Variants in KIAA1210 observed in about 807,000 individuals in gnomAD.
KIAA1210 encodes acrosomal protein KIAA1210.
A neutral mutation model predicts 78.9 loss-of-function variants in KIAA1210; 48 were observed. That is an observed-to-expected ratio of 0.61 (90% CI 0.48 to 0.77). KIAA1210 has a LOEUF of 0.77. Among genes scored for constraint, KIAA1210 ranks in the 30% least tolerant of loss-of-function variants. KIAA1210 has a pLI of 0.00. For synonymous variants in KIAA1210, 406 were observed against 404.5 expected (o/e 1.00, Z -0.04); for missense variants, 1,108 against 1,100.0 (o/e 1.01, Z -0.10).
exon 1 of KIAA1210, chrX:119,150,379 G>T (rs778471067): frequency 1.7e-6 from 2 of 1,210,544 alleles, no homozygotes; most frequent in Non-Finnish European, 2.2e-6. Flanking sequence ...CTGCAGCTGG[G>T]CCAAGCTCCC....
intron 6 of KIAA1210, among the ~76,000 whole-genome samples, chrX:119,102,408 C>A (rs994000338): frequency 3.6e-5 from 4 of 111,191 alleles, no homozygotes; most frequent in African/African-American, 1.3e-4. Context: ...CACTACATTG[C>A]CCAGGTGGAA....
rs181469027 is a variant in KIAA1210, at chrX:119,146,333, C to A, written c.410+1140G>T. On this transcript the variant is annotated intron_variant, in intron 2 of 13. Transcript: ENST00000402510. The stretch of plus-strand genomic sequence containing the variant: ...GTCAATCAAGAAAATACATAAATTT[C>A]TTTAAAGAAACAAATTTAAGCATTC... 9.8e-5 allele frequency among the ~76,000 whole-genome samples: 11 copies of A among 111,906 alleles called. No homozygotes were observed. In the East Asian group the frequency reaches 2.5e-3, roughly 26 times the overall value.
rs370134129 is a variant in KIAA1210, at chrX:119,094,282, G to A, written c.847-507C>T. 4.4e-4 allele frequency among the ~76,000 whole-genome samples: 49 copies of A among 112,201 alleles called. 1 individual carries two copies. Among genetic ancestry groups the A allele is most frequent in the African/African-American group, 1.5e-3 (46 of 30,870 alleles). ...AGAAAAAGAATTGGGGTTTTGTTGG[G>A]AGGGAAAGGAGAAAAAGCTGAAAGG... On this transcript the variant is annotated intron_variant, in intron 7 of 11. Transcript: ENST00000691062.
At chrX:119,092,359 A>T (rs1354309033) in intron 8 of KIAA1210, among the ~76,000 whole-genome samples, 1 of 112,244 alleles carries the variant, frequency 8.9e-6, no homozygotes, top group African/African-American at 3.2e-5. Context: ...ATAATAGCTG[A>T]CTATGCTCCA....
chrX:119,088,175 G>T lies in KIAA1210; in HGVS notation c.2527C>A (p.Pro843Thr). The T allele has an allele frequency of 2.5e-6, 3 of 1,211,308 alleles. No homozygotes were observed. Among genetic ancestry groups the T allele is most frequent in the Non-Finnish European group, 3.4e-6 (3 of 895,141 alleles). Residue 843 changes from proline to threonine, a missense_variant, in exon 9 of 12, where the codon CCC (proline) becomes ACC (threonine). Physicochemically the swap from Pro to Thr is conservative, Grantham distance 38. Coordinates refer to ENST00000691062, the MANE Select transcript of KIAA1210 (RefSeq NM_001394962.1). Reference sequence around the variant, plus strand: ...GTCAAGGACTGAGGAGAATATCTGGGGAGTAGTGGCTCCACAGAAATGACT... The same window carrying T: ...GTCAAGGACTGAGGAGAATATCTGGTGAGTAGTGGCTCCACAGAAATGACT... Reference protein sequence around the residue: ...ERVISVEPLLPRYSPQSLTDP... With the variant: ...ERVISVEPLLTRYSPQSLTDP...
At position 119,140,485 on chromosome X, in the gene KIAA1210, C is replaced by T. The variant is rs190113966; in HGVS notation, c.410+6988G>A. On this transcript the variant is annotated intron_variant, in intron 2 of 13. Transcript: ENST00000402510. The stretch of plus-strand genomic sequence containing the variant: ...TAGAGATTGCAGTGAGCTGAGATTG[C>T]GCCACTGCACTCCAGCCTGAGCGAC... Among the ~76,000 whole-genome samples, 232 of 99,109 alleles carry T rather than the reference C, an allele frequency of 2.3e-3. 1 individual carries two copies. The highest frequency in any genetic ancestry group is 7.9e-3 in the African/African-American group (211 of 26,703). 86.1% of individuals were successfully genotyped at this position (99,109 alleles called of 115,157 possible).
At chrX:119,110,260 C>T (rs1181122089) in intron 3 of KIAA1210, among the ~76,000 whole-genome samples, 3 of 112,100 alleles carry the variant, frequency 2.7e-5, no homozygotes, top group African/African-American at 9.7e-5. Context: ...AAAACAAAAA[C>T]TATATGACCA....
intron 2 of KIAA1210, among the ~76,000 whole-genome samples, chrX:119,145,319 T>G (rs1929141225): frequency 1.8e-5 from 2 of 110,823 alleles, no homozygotes; most frequent in African/African-American, 6.6e-5. Context: ...CATCCTTGGA[T>G]GTTTAGCCGC....
intron 2 of KIAA1210, among the ~76,000 whole-genome samples, chrX:119,140,917 G>C (rs60711976): frequency 0.017 from 1,883 of 112,278 alleles, 46 homozygotes; most frequent in African/African-American, 0.058. Context: ...TTTAAAAAGG[G>C]TTTTGGAGGT....
At chrX:119,100,806 T>C (rs1458115261) in intron 6 of KIAA1210, among the ~76,000 whole-genome samples, 7 of 112,436 alleles carry the variant, frequency 6.2e-5, no homozygotes, top group Non-Finnish European at 1.3e-4. Flanking sequence ...AGCTCCCACT[T>C]ATAAAGGAGA....
At chrX:119,145,335 TG>T (rs1354747356) in intron 2 of KIAA1210, among the ~76,000 whole-genome samples, 1 of 110,864 alleles carries the variant, frequency 9.0e-6, no homozygotes, top group Non-Finnish European at 1.9e-5. Flanking sequence ...GCCGCGTCCC[TG>T]GGCCTCTAAC....
At position 119,081,483 on chromosome X, in the gene KIAA1210, A is replaced by G. The variant is rs778622418; in HGVS notation, c.4448T>C (p.Ile1483Thr). Residue 1483 changes from isoleucine (I) to threonine (T), a missense_variant, in exon 12 of 12, where the codon ATA becomes ACA. Transcript: ENST00000691062. ...TKSVGFEAQK[I>T]LQVPAMEKET... ...TTTTTCCATGGCAGGAACTTGCAGT[A>G]TCTTCTGAGCTTCAAATCCAACTGG... 4 of 1,208,898 alleles carry G rather than the reference A, an allele frequency of 3.3e-6. No individual in the cohort carries two copies. Among genetic ancestry groups the G allele is most frequent in the Non-Finnish European group, 4.5e-6 (4 of 894,417 alleles).
Position 119,082,482 on chromosome X carries a change from A to G in KIAA1210, c.4426+533T>C, listed in dbSNP as rs1194293950. On this transcript the variant is annotated intron_variant, in intron 11 of 11. Transcript: ENST00000691062. The stretch of plus-strand genomic sequence containing the variant: ...CTAGCACACAATTCTTTCTGGTGAG[A>G]TCACATTCTATTATATCCCAGCAGA... Among the ~76,000 whole-genome samples the G allele has an allele frequency of 2.7e-5, 3 of 112,377 alleles. No individual in the cohort carries two copies. In the East Asian group the frequency reaches 8.3e-4, roughly 31 times the overall value.
At chrX:119,136,320 T>C (rs1928912830) in intron 2 of KIAA1210, among the ~76,000 whole-genome samples, 1 of 112,587 alleles carries the variant, frequency 8.9e-6, no homozygotes, top group South Asian at 3.7e-4. Context: ...TGTAACTTTC[T>C]GGTTTCATCT....
chrX:119,109,249 G>A (rs1456475982), intron 3 of KIAA1210, 47 bp from the exon 4 acceptor site: 3 of 1,136,428 alleles, frequency 2.6e-6, no homozygotes, highest in South Asian at 4.0e-5. Flanking sequence ...AGGGCCATGG[G>A]AACTGAAGAC....
At chrX:119,143,892 C>A (rs1569325270) in intron 2 of KIAA1210, among the ~76,000 whole-genome samples, 1 of 112,441 alleles carries the variant, frequency 8.9e-6, no homozygotes, top group East Asian at 2.8e-4. Flanking sequence ...GGCATTCACC[C>A]ATGGCCACAT....
intron 7 of KIAA1210, 76 bp from the exon 8 acceptor site, chrX:119,093,851 A>T (rs1364717957): frequency 7.1e-6 from 7 of 985,273 alleles, no homozygotes; most frequent in Non-Finnish European, 9.9e-6. Context: ...CCAAAGAAAA[A>T]GCATCAGGAA....
chrX:119,133,198 A>G (rs1928835034), intron 2 of KIAA1210, among the ~76,000 whole-genome samples: 1 of 111,693 alleles, frequency 9.0e-6, no homozygotes, highest in African/African-American at 3.3e-5. Flanking sequence ...AGGAGGCTAT[A>G]ATCACCCCAC....
At chrX:119,085,016 G>C (rs1018521886) in intron 10 of KIAA1210, among the ~76,000 whole-genome samples, 1 of 111,388 alleles carries the variant, frequency 9.0e-6, no homozygotes, top group African/African-American at 3.3e-5. Context: ...TGAGTAGCTG[G>C]GATGTCAGCA....
Sources: gnomAD v4.1 joint callset for allele counts (sites outside exome capture counted in the v4.1 genomes callset) on GRCh38, gnomAD v4.1.1 for gene constraint, MANE v1.5 for transcripts, NCBI Gene and HGNC (gene_info 2026-07-23, HGNC 2026-07-21) for gene names.